The following FRAS1 variants were observed in gnomAD, a reference collection of about 807,000 sequenced individuals.
FRAS1 encodes extracellular matrix organizing protein FRAS1.
FRAS1 carries 290 observed loss-of-function variants against 435.2 expected under a neutral mutation model. That is an observed-to-expected ratio of 0.67 (90% confidence interval 0.61 to 0.73). The LOEUF is 0.73. FRAS1 is among the 30% of genes least tolerant of loss of function. The pLI, the probability that FRAS1 is intolerant of heterozygous loss-of-function variation, is 0.00. For synonymous variants in FRAS1, 1,800 were observed against 1,851.0 expected (o/e 0.97, Z 0.71); for missense variants, 4,860 against 5,001.5 (o/e 0.97, Z 0.85).
intron 2 of FRAS1, among the ~76,000 whole-genome samples, chr4:78,089,314 G>A (rs1039155562): frequency 6.6e-6 from 1 of 151,252 alleles, no homozygotes; most frequent in African/African-American, 2.4e-5. Flanking sequence ...AGCATTAGGA[G>A]ATATACTTAA....
intron 2 of FRAS1, among the ~76,000 whole-genome samples, chr4:78,133,602 G>T (rs376378686): frequency 1.3e-5 from 2 of 152,028 alleles, no homozygotes; most frequent in Non-Finnish European, 2.9e-5. Context: ...ATTACACATT[G>T]CCTGCCTGTA....
At chr4:78,379,252 C>T (rs72657077) in intron 26 of FRAS1, 1,835 of 154,854 alleles carry the variant, frequency 0.012, 19 homozygotes, top group Non-Finnish European at 0.018. Flanking sequence ...TTGGCAGATG[C>T]GGTGGTAAAG....
At chr4:78,179,974 A>G (rs529907183) in intron 2 of FRAS1, among the ~76,000 whole-genome samples, 1 of 152,358 alleles carries the variant, frequency 6.6e-6, no homozygotes, top group South Asian at 2.1e-4. Context: ...CACTATACTT[A>G]CATTAACTTA....
At chr4:78,326,441 G>A (rs1309938533) in intron 18 of FRAS1, among the ~76,000 whole-genome samples, 1 of 152,182 alleles carries the variant, frequency 6.6e-6, no homozygotes, top group Non-Finnish European at 1.5e-5. Flanking sequence ...ATAGCAGGTA[G>A]GGGAGTAGGA....
In FRAS1 at chr4:78,287,514, G is replaced by C. The variant is rs1727668796; in HGVS notation, c.1534+975G>C. On this transcript the variant is annotated intron_variant, in intron 14 of 73. Coordinates refer to ENST00000512123, the MANE Select transcript of FRAS1 (RefSeq NM_025074.7). Reference sequence around the variant, plus strand: ...GGGAAGGTCTTGGATGTCATGCCAGGGAGATGTGATAGCTACTCTCTGCAG... The same window carrying C: ...GGGAAGGTCTTGGATGTCATGCCAGCGAGATGTGATAGCTACTCTCTGCAG... 2.6e-5 allele frequency among the ~76,000 whole-genome samples: 4 copies of C among 152,298 alleles called. No individual in the cohort carries two copies. The South Asian group carries it at 8.3e-4, about 32-fold the overall frequency.
At chr4:78,435,617 T>A (rs114602508) in intron 38 of FRAS1, among the ~76,000 whole-genome samples, 3,415 of 152,062 alleles carry the variant, frequency 0.022, 144 homozygotes, top group African/African-American at 0.077. Context: ...TGTGCAACTA[T>A]AATCCCAGTA....
intron 38 of FRAS1, 128 bp downstream of exon 38, chr4:78,432,732 A>C: frequency 2.8e-6 from 3 of 1,060,002 alleles, no homozygotes; most frequent in Non-Finnish European, 2.6e-6. Flanking sequence ...CATTTTTCTC[A>C]GCTTCCCTAC....
chr4:78,315,744 G>T lies in FRAS1; in HGVS notation c.1819+10G>T. Reference sequence around the variant, plus strand: ...ACTGGCAGGTGCAAAGGTAAGAGATGGGTCACCATCATCATCATCAAAAAG... The same window carrying T: ...ACTGGCAGGTGCAAAGGTAAGAGATTGGTCACCATCATCATCATCAAAAAG... On this transcript the variant is annotated intron_variant, in intron 16 of 73. Coordinates refer to ENST00000512123, the MANE Select transcript of FRAS1 (RefSeq NM_025074.7). The T allele has an allele frequency of 6.2e-7, 1 of 1,613,774 alleles. No individual in the cohort carries two copies. The highest frequency in any genetic ancestry group is 1.1e-5 in the South Asian group (1 of 91,030).
chr4:78,394,435 A>G (rs1404930659), intron 29 of FRAS1, among the ~76,000 whole-genome samples: 2 of 151,996 alleles, frequency 1.3e-5, no homozygotes, highest in African/African-American at 4.8e-5. Flanking sequence ...AATTATCCCA[A>G]CACTATTTAT....
At chr4:78,442,827 T>C (rs1406755715) in intron 41 of FRAS1, among the ~76,000 whole-genome samples, 1 of 152,196 alleles carries the variant, frequency 6.6e-6, no homozygotes, top group Non-Finnish European at 1.5e-5. Context: ...TGTGGGCCTG[T>C]GAATCTGCAT....
At chr4:78,065,869 G>A in intron 1 of FRAS1, 116 bp from the exon 2 acceptor site, 1 of 745,026 alleles carries the variant, frequency 1.3e-6, no homozygotes, top group Non-Finnish European at 2.3e-6. Context: ...TTTGGAAGAA[G>A]CTCATTTTCC....
intron 2 of FRAS1, among the ~76,000 whole-genome samples, chr4:78,080,759 T>C (rs191689308): frequency 1.4e-4 from 22 of 152,290 alleles, no homozygotes; most frequent in African/African-American, 5.3e-4. Flanking sequence ...TCCTTTATAG[T>C]TTTGGAATAT....
At chr4:78,374,613 A>C (rs1049305623) in intron 25 of FRAS1, among the ~76,000 whole-genome samples, 1 of 152,226 alleles carries the variant, frequency 6.6e-6, no homozygotes, top group African/African-American at 2.4e-5. Context: ...CTAAATGCCC[A>C]TGATTCTGAC....
At chr4:78,149,568 A>G (rs940505975) in intron 2 of FRAS1, among the ~76,000 whole-genome samples, 1 of 152,122 alleles carries the variant, frequency 6.6e-6, no homozygotes, top group African/African-American at 2.4e-5. Context: ...CTTGAATGGG[A>G]GTATAGTATG....
chr4:78,445,848 T>C (rs922896544), intron 42 of FRAS1, 136 bp downstream of exon 42: 4 of 1,412,504 alleles, frequency 2.8e-6, no homozygotes, highest in Non-Finnish European at 2.8e-6. Flanking sequence ...TCTTAAAATA[T>C]AGCCTTCAGG....
At chr4:78,287,390 G>A (rs544697551) in intron 14 of FRAS1, among the ~76,000 whole-genome samples, 1 of 152,324 alleles carries the variant, frequency 6.6e-6, no homozygotes, top group South Asian at 2.1e-4. Flanking sequence ...AAGGGACAGA[G>A]ATATGAGTTT....
At chr4:78,112,439 T>C (rs1447333356) in intron 2 of FRAS1, among the ~76,000 whole-genome samples, 1 of 152,160 alleles carries the variant, frequency 6.6e-6, no homozygotes, top group Non-Finnish European at 1.5e-5. Flanking sequence ...TTGTGAGCTT[T>C]TCTGTTAGGT....
chr4:78,194,057 C>G (rs966810135), intron 2 of FRAS1, among the ~76,000 whole-genome samples: 9 of 152,286 alleles, frequency 5.9e-5, no homozygotes, highest in Admixed American at 2.6e-4. Flanking sequence ...ATATGAAATT[C>G]TGGGTTGGAA....
chr4:78,105,071 C>G (rs72654645), intron 2 of FRAS1, among the ~76,000 whole-genome samples: 3 of 152,222 alleles, frequency 2.0e-5, no homozygotes, highest in East Asian at 3.9e-4. Context: ...GCTTAGAAAG[C>G]CTGCTGTTCT....
Sources: allele counts gnomAD v4.1 joint callset (sites outside exome capture counted in the v4.1 genomes callset), GRCh38; gene constraint gnomAD v4.1.1; transcripts MANE v1.5; gene names NCBI Gene and HGNC (gene_info 2026-07-23, HGNC 2026-07-21).